Variants in DNAAF1 observed in about 807,000 individuals in gnomAD.
DNAAF1 encodes dynein assembly factor 1, axonemal.
A neutral mutation model predicts 71.1 loss-of-function variants in DNAAF1; 65 were observed. That is an observed-to-expected ratio of 0.91 (90% CI 0.75 to 1.12). The LOEUF (loss-of-function observed/expected upper bound fraction) is 1.12, where lower values mean the gene tolerates loss of function less well. Among genes scored for constraint, DNAAF1 ranks in the 50% most tolerant of loss-of-function variants. The pLI is 0.00. For missense variants in DNAAF1, 1,178 were observed against 899.8 expected (o/e 1.31, Z -3.96); for synonymous variants, 414 against 354.6 (o/e 1.17, Z -1.88).
intron 3 of DNAAF1, among the ~76,000 whole-genome samples, chr16:84,154,260 C>G (rs1327509849): frequency 6.6e-6 from 1 of 152,130 alleles, no homozygotes. Context: ...GATTTGGTGA[C>G]TGGTGAGAGC....
chr16:84,174,736 G>A lies in DNAAF1; in HGVS notation c.1698+14G>A. 1 of 1,614,182 alleles carries A rather than the reference G, an allele frequency of 6.2e-7. No homozygotes were observed. Among genetic ancestry groups the A allele is most frequent in the Non-Finnish European group, 8.5e-7 (1 of 1,180,024 alleles). On this transcript the variant is annotated intron_variant, in intron 10 of 11. Coordinates refer to ENST00000378553, the MANE Select transcript of DNAAF1 (RefSeq NM_178452.6). ...CTGGAAGACCAGGTTAAGGTCATTAGAAACCATTTTCCCACAGGCAGCTTA... is the reference window on the plus strand; with the variant it reads ...CTGGAAGACCAGGTTAAGGTCATTAAAAACCATTTTCCCACAGGCAGCTTA...
At chr16:84,154,870 C>A in intron 4 of DNAAF1, 72 bp downstream of exon 4, 1 of 1,282,840 alleles carries the variant, frequency 7.8e-7, no homozygotes, top group Non-Finnish European at 1.1e-6. Context: ...ATGTTCTAAG[C>A]TTTTATATTA....
chr16:84,169,719 C>A (rs2088222318), intron 7 of DNAAF1, 140 bp from the exon 8 acceptor site: 4 of 1,240,132 alleles, frequency 3.2e-6, no homozygotes, highest in East Asian at 2.3e-5. Context: ...CCGCGCCCAG[C>A]CCCTTGAGGA....
At chr16:84,148,225 A>C (rs1298970954) in intron 1 of DNAAF1, among the ~76,000 whole-genome samples, 1 of 152,158 alleles carries the variant, frequency 6.6e-6, no homozygotes, top group Non-Finnish European at 1.5e-5. Context: ...GAAACAGTGT[A>C]TAGTATTGCT....
chr16:84,152,641 C>T (rs1476955748), intron 3 of DNAAF1, among the ~76,000 whole-genome samples: 3 of 123,924 alleles, frequency 2.4e-5, no homozygotes, highest in Non-Finnish European at 4.9e-5. Context: ...GAGCAAGATT[C>T]TGTCTCAAAA....
intron 6 of DNAAF1, among the ~76,000 whole-genome samples, chr16:84,161,333 C>T (rs899030859): frequency 5.3e-5 from 8 of 152,140 alleles, no homozygotes; most frequent in Non-Finnish European, 7.3e-5. Context: ...CAATAGGAGC[C>T]ACCGCCCTTT....
intron 11 of DNAAF1, 148 bp downstream of exon 11, chr16:84,176,447 T>G (rs2088665920): frequency 7.9e-7 from 1 of 1,265,714 alleles, no homozygotes; most frequent in South Asian, 1.3e-5. Context: ...CCTCTGAAGG[T>G]CCCATTCCTG....
intron 4 of DNAAF1, among the ~76,000 whole-genome samples, chr16:84,155,084 A>G (rs957389208): frequency 2.0e-5 from 3 of 151,972 alleles, no homozygotes; most frequent in African/African-American, 7.3e-5. Context: ...AATTTTTTGT[A>G]TTTTTAGTAG....
At position 84,154,784 on chromosome 16, in the gene DNAAF1, C is replaced by G; in HGVS notation, c.560C>G (p.Thr187Ser). The part of the protein sequence containing the change: ...ALNLSNNYIK[T>S]IENLSCLPVL... ...AACCTCAGCAACAATTACATCAAGA[C>G]CATTGAAAACCTCTGTAAGGGTACC... The change falls in exon 4 of 12, where the codon ACC becomes AGC. Residue 187 changes from threonine (T) to serine (S), a missense_variant. Coordinates refer to ENST00000378553, the MANE Select transcript of DNAAF1 (RefSeq NM_178452.6). 6.2e-7 allele frequency: 1 copy of G among 1,613,776 alleles called. No homozygotes were observed. The highest frequency in any genetic ancestry group is 1.7e-5 in the Admixed American group (1 of 60,016).
At chr16:84,168,827 TAC>T (rs55903132) in intron 7 of DNAAF1, among the ~76,000 whole-genome samples, 206 of 145,990 alleles carry the variant, frequency 1.4e-3, no homozygotes, top group African/African-American at 4.1e-3. Context: ...ATTTGCCACA[TAC>T]ACACACACAC....
At chr16:84,157,537 G>A (rs900142980) in intron 5 of DNAAF1, among the ~76,000 whole-genome samples, 2 of 149,168 alleles carry the variant, frequency 1.3e-5, no homozygotes, top group African/African-American at 2.5e-5. Flanking sequence ...AAAAATTCCC[G>A]TCCTTTGGGC....
chr16:84,160,358 C>T (rs1425279369), intron 6 of DNAAF1, among the ~76,000 whole-genome samples: 1 of 152,056 alleles, frequency 6.6e-6, no homozygotes, highest in Non-Finnish European at 1.5e-5. Flanking sequence ...CTTCTCTTAC[C>T]GATTTGTAAG....
intron 9 of DNAAF1, 138 bp downstream of exon 9, chr16:84,172,513 G>A: frequency 6.7e-7 from 1 of 1,496,342 alleles, no homozygotes; most frequent in Middle Eastern, 2.3e-4. Flanking sequence ...CTGGGGCGCT[G>A]GTTAGAAATG....
At chr16:84,157,809 A>G (rs571848572) in intron 5 of DNAAF1, among the ~76,000 whole-genome samples, 2 of 152,338 alleles carry the variant, frequency 1.3e-5, no homozygotes, top group African/African-American at 4.8e-5. Flanking sequence ...GAACTGCAGC[A>G]CACGGTGAGA....
rs766232564 is a variant in DNAAF1, at chr16:84,166,002, G to A, written c.1030+53G>A. 4.7e-6 allele frequency: 7 copies of A among 1,490,776 alleles called. 1 individual carries two copies. In the South Asian group the frequency reaches 6.7e-5, roughly 14 times the overall value. 92.3% of individuals were successfully genotyped at this position (1,490,776 alleles called of 1,614,324 possible). On this transcript the variant is annotated intron_variant, in intron 7 of 11. Coordinates refer to ENST00000378553, the MANE Select transcript of DNAAF1 (RefSeq NM_178452.6). ...CCAGAGTTCCTTTGAGATTAGGCAA[G>A]TCTAAGCTCTCAAACCCAGTCTTTA...
chr16:84,172,003 A>G (rs1167747235), intron 8 of DNAAF1, among the ~76,000 whole-genome samples: 1 of 151,090 alleles, frequency 6.6e-6, no homozygotes, highest in African/African-American at 2.4e-5. Context: ...TCAGCCTCCC[A>G]AGTAGCTGAG....
At chr16:84,151,547 ACAGT>A (rs1461654158) in intron 3 of DNAAF1, among the ~76,000 whole-genome samples, 4 of 152,180 alleles carry the variant, frequency 2.6e-5, no homozygotes, top group Non-Finnish European at 4.4e-5. Context: ...CTGAGTAGAG[ACAGT>A]CAGAGAGGTA....
chr16:84,153,694 T>C (rs749688636), intron 3 of DNAAF1, among the ~76,000 whole-genome samples: 1 of 152,184 alleles, frequency 6.6e-6, no homozygotes, highest in Admixed American at 6.5e-5. Context: ...GGTCAAGGCA[T>C]GAATTACACA....
chr16:84,163,845 A>T (rs919346123), intron 6 of DNAAF1, among the ~76,000 whole-genome samples: 3 of 151,650 alleles, frequency 2.0e-5, no homozygotes, highest in Admixed American at 6.6e-5. Flanking sequence ...GCTGATTTTT[A>T]AAAAATTAAT....
Sources: allele counts gnomAD v4.1 joint callset (sites outside exome capture counted in the v4.1 genomes callset), GRCh38; gene constraint gnomAD v4.1.1; transcripts MANE v1.5; gene names NCBI Gene and HGNC (gene_info 2026-07-23, HGNC 2026-07-21).